RMND1: variants seen among roughly 807,000 people sequenced by gnomAD.
RMND1 encodes required for meiotic nuclear division 1 homolog, also known as required for meiotic nuclear division protein 1 homolog.
Under a neutral mutation model 54.0 loss-of-function variants are expected in RMND1, and 41 were observed. The observed-to-expected ratio is 0.76, with a 90% confidence interval of 0.59 to 0.98. RMND1 has a LOEUF of 0.98. Ranked by LOEUF, RMND1 falls within the 50% of genes least tolerant of loss-of-function variation. RMND1 has a pLI of 0.00. For synonymous variants in RMND1, 183 were observed against 181.7 expected (o/e 1.01, Z -0.06); for missense variants, 457 against 532.0 (o/e 0.86, Z 1.39).
chr6:151,445,225 C>T (rs1027502090), intron 2 of RMND1, 83 bp downstream of exon 2: 57 of 1,416,032 alleles, frequency 4.0e-5, no homozygotes, highest in Non-Finnish European at 4.9e-5. Context: ...CTTACGTTGG[C>T]GGTAAGGCTG....
intron 1 of RMND1, 97 bp from the exon 2 acceptor site, chr6:151,445,922 T>C: frequency 9.0e-7 from 1 of 1,115,774 alleles, no homozygotes; most frequent in Non-Finnish European, 1.2e-6. Context: ...GTTAGAAAAA[T>C]TTGTAAAACA....
At chr6:151,419,246 G>A (rs1352728459) in intron 9 of RMND1, among the ~76,000 whole-genome samples, 1 of 151,380 alleles carries the variant, frequency 6.6e-6, no homozygotes, top group African/African-American at 2.4e-5. Context: ...TGTATTTTTG[G>A]TAGAGATGGG....
intron 7 of RMND1, among the ~76,000 whole-genome samples, chr6:151,423,293 A>G (rs916314106): frequency 2.0e-5 from 3 of 152,222 alleles, no homozygotes; most frequent in African/African-American, 7.2e-5. Flanking sequence ...CATCATCTAA[A>G]AAATACTTTT....
rs762360381 is a variant in RMND1 at position 151,417,232 on chromosome 6, A to G, written c.1200+47T>C. The G allele has an allele frequency of 6.4e-6, 10 of 1,568,294 alleles. No homozygotes were observed. The Admixed American group carries it at 2.1e-4, about 32-fold the overall frequency. On this transcript the variant is annotated intron_variant, in intron 10 of 11. Transcript: ENST00000444024. ...AAGCAGTTAAACATATTCAACTTAT[A>G]GGCGACAACGTGTCTTTTTCTCTCA...
chr6:151,426,500 T>C (rs1185929728), intron 6 of RMND1, among the ~76,000 whole-genome samples: 1 of 152,056 alleles, frequency 6.6e-6, no homozygotes, highest in East Asian at 1.9e-4. Context: ...GATTGACCCC[T>C]CACTATACTT....
chr6:151,415,189 CATT>C (rs1779965661), intron 10 of RMND1, among the ~76,000 whole-genome samples: 1 of 151,954 alleles, frequency 6.6e-6, no homozygotes, highest in Non-Finnish European at 1.5e-5. Context: ...AAAATTATAA[CATT>C]ATCTGATGAA....
chr6:151,418,730 A>ACT lies in RMND1; in HGVS notation c.1080-1333_1080-1332dup, dbSNP rs563311945. On this transcript the variant is annotated intron_variant, in intron 9 of 11. Transcript: ENST00000444024. ...TAGACAAGCAAGCATAAACATACAC[A>ACT]CTCTCTCTCTTAATTTCTACATTTT... Among the ~76,000 whole-genome samples the ACT allele has an allele frequency of 5.3e-4, 81 of 151,926 alleles. 1 individual carries two copies. The South Asian group carries it at 0.015, about 29-fold the overall frequency.
chr6:151,421,169 C>T, intron 9 of RMND1, 76 bp downstream of exon 9: 1 of 1,062,522 alleles, frequency 9.4e-7, no homozygotes, highest in Non-Finnish European at 1.4e-6. Context: ...GTTTGCTCTT[C>T]ACCACAGAAC....
At chr6:151,406,185 C>G (rs1287106757) in intron 10 of RMND1, among the ~76,000 whole-genome samples, 3 of 152,118 alleles carry the variant, frequency 2.0e-5, no homozygotes, top group Non-Finnish European at 2.9e-5. Context: ...AATTTACTTT[C>G]TACTAGAAAA....
chr6:151,433,407 T>C (rs1213539119), intron 3 of RMND1, among the ~76,000 whole-genome samples, 177 bp from the exon 4 acceptor site: 2 of 152,076 alleles, frequency 1.3e-5, no homozygotes, highest in Non-Finnish European at 2.9e-5. Flanking sequence ...TATATAAAAA[T>C]GCAAATACGA....
At chr6:151,420,669 G>C (rs1490239938) in intron 9 of RMND1, 2 of 152,132 alleles carry the variant, frequency 1.3e-5, no homozygotes, top group Non-Finnish European at 2.9e-5. Context: ...AGACTTACTT[G>C]TCTTTGCCTT....
intron 4 of RMND1, among the ~76,000 whole-genome samples, chr6:151,430,626 G>A (rs1780423946): frequency 6.6e-6 from 1 of 152,152 alleles, no homozygotes; most frequent in Admixed American, 6.6e-5. Flanking sequence ...AGCATCAGAT[G>A]GTTAAAGGCC....
Position 151,445,390 on chromosome 6 carries a change from A to G in RMND1, c.422T>C (p.Phe141Ser). The G allele has an allele frequency of 6.2e-7, 1 of 1,613,970 alleles. No homozygotes were observed. Among genetic ancestry groups the G allele is most frequent in the African/African-American group, 1.3e-5 (1 of 75,032 alleles). The change falls in exon 2 of 12, where the codon TTC becomes TCC. Residue 141 changes from phenylalanine to serine, a missense_variant. Transcript: ENST00000444024. ...STETFVPKQDFPQVKRPLKAS... is the reference protein window; with the variant it reads ...STETFVPKQDSPQVKRPLKAS... ...TTTTAGTGGTCTCTTCACCTGTGGG[A>G]AGTCTTGTTTTGGAACAAATGTTTC...
chr6:151,444,237 G>C (rs567965077), intron 2 of RMND1, among the ~76,000 whole-genome samples: 1 of 152,170 alleles, frequency 6.6e-6, no homozygotes, highest in Non-Finnish European at 1.5e-5. Flanking sequence ...ATGAATTCAG[G>C]TTTTTACACT....
At chr6:151,411,870 A>T (rs1779846159) in intron 10 of RMND1, 1 of 151,760 alleles carries the variant, frequency 6.6e-6, no homozygotes, top group Non-Finnish European at 1.5e-5. Flanking sequence ...GTCAGGGGTC[A>T]TAAAGTAGGT....
chr6:151,424,210 C>T lies in RMND1; in HGVS notation c.831-579G>A, dbSNP rs567773528. On this transcript the variant is annotated intron_variant, in intron 6 of 11. Coordinates refer to ENST00000444024, the MANE Select transcript of RMND1 (RefSeq NM_017909.4). ...GCACGGTGGCTCACGCCTGTAACCC[C>T]AGCACTCCGGGAGGCCGAGGCAGGT... is the stretch of plus-strand genomic sequence containing the variant. Among the ~76,000 whole-genome samples the T allele has an allele frequency of 2.2e-3, 328 of 152,186 alleles. 1 individual carries two copies. Among genetic ancestry groups the T allele is most frequent in the African/African-American group, 7.5e-3 (310 of 41,562 alleles).
At position 151,405,012 on chromosome 6, in the gene RMND1, G is replaced by C; in HGVS notation, c.*223C>G. ...GCCTCCTGAGTAGCTGAGATGACGG[G>C]CGTGTGCCAACACACCTGGCTAATT... On this transcript the variant is annotated 3_prime_UTR_variant, in exon 12 of 12. Transcript: ENST00000444024. The C allele has an allele frequency of 2.2e-6, 1 of 460,692 alleles. No homozygotes were observed. The highest frequency in any genetic ancestry group is 2.5e-5 in the South Asian group (1 of 39,266). The allele number at this position is 460,692 out of a possible 1,614,324, so 28.5% of individuals were successfully genotyped here.
rs147321391 is a variant in RMND1 at position 151,406,073 on chromosome 6, A to G, written c.1201-237T>C. On this transcript the variant is annotated intron_variant, in intron 10 of 11. Coordinates refer to ENST00000444024, the MANE Select transcript of RMND1 (RefSeq NM_017909.4). ...CTATTTGTAAGATTTTGATGGAAGA[A>G]CTAAAAATAGGTTTTTGAGTCCTAG... Among the ~76,000 whole-genome samples the G allele has an allele frequency of 2.7e-3, 414 of 152,360 alleles. 5 individuals are homozygous for G. The highest frequency in any genetic ancestry group is 9.5e-3 in the African/African-American group (397 of 41,578).
intron 10 of RMND1, among the ~76,000 whole-genome samples, chr6:151,411,073 C>T (rs1419979165): frequency 1.3e-5 from 2 of 152,144 alleles, no homozygotes; most frequent in East Asian, 3.9e-4. Flanking sequence ...GATTCTAGTG[C>T]CTCAGCCCCT....
Sources: gnomAD v4.1 joint callset for allele counts (sites outside exome capture counted in the v4.1 genomes callset) on GRCh38, gnomAD v4.1.1 for gene constraint, MANE v1.5 for transcripts, NCBI Gene and HGNC (gene_info 2026-07-23, HGNC 2026-07-21) for gene names.